Variants in MAP2K6 observed in about 807,000 individuals in gnomAD.
The protein encoded by MAP2K6 is dual specificity mitogen-activated protein kinase kinase 6.
In MAP2K6, 16 loss-of-function variants were observed where a neutral mutation model predicts 53.7. That is an observed-to-expected ratio of 0.30 (90% confidence interval 0.20 to 0.45). MAP2K6 has a LOEUF of 0.45. Among genes scored for constraint, MAP2K6 ranks in the 20% least tolerant of loss-of-function variants. The pLI is 1.00. For synonymous variants in MAP2K6, 132 were observed against 143.1 expected (o/e 0.92, Z 0.55); for missense variants, 204 against 411.9 (o/e 0.50, Z 4.37).
rs182942276 is a variant in MAP2K6 at position 69,512,247 on chromosome 17, G to A, written c.84-4608G>A. On this transcript the variant is annotated intron_variant, in intron 2 of 11. Coordinates refer to ENST00000590474, the MANE Select transcript of MAP2K6 (RefSeq NM_002758.4). ...ACAGTTTATGGCTAGTGAAATGAGA[G>A]GTAGTATCCTTTACAGCATACTGTG... Among the ~76,000 whole-genome samples, 267 of 151,172 alleles carry A rather than the reference G, an allele frequency of 1.8e-3. 2 individuals are homozygous for A. Among genetic ancestry groups the A allele is most frequent in the Non-Finnish European group, 4.0e-4 (27 of 67,902 alleles).
At chr17:69,420,404 A>G (rs906032865) in intron 1 of MAP2K6, among the ~76,000 whole-genome samples, 1 of 152,214 alleles carries the variant, frequency 6.6e-6, no homozygotes, top group Admixed American at 6.5e-5. Flanking sequence ...TGTTAAAATA[A>G]TTAAGTCTAG....
At chr17:69,417,111 C>T (rs539489068) in intron 1 of MAP2K6, among the ~76,000 whole-genome samples, 203 of 151,926 alleles carry the variant, frequency 1.3e-3, no homozygotes, top group Non-Finnish European at 2.4e-3. Context: ...GGTTCTTGTC[C>T]GAAAGGAAAA....
chr17:69,431,541 G>A (rs1486020008), intron 1 of MAP2K6, among the ~76,000 whole-genome samples: 1 of 152,144 alleles, frequency 6.6e-6, no homozygotes, highest in Non-Finnish European at 1.5e-5. Context: ...GTGTATTTAT[G>A]TGTATTTTGT....
At chr17:69,471,136 T>C (rs1256194083) in intron 1 of MAP2K6, among the ~76,000 whole-genome samples, 1 of 152,222 alleles carries the variant, frequency 6.6e-6, no homozygotes, top group Non-Finnish European at 1.5e-5. Context: ...AAATGAACTG[T>C]ATTAAGCGGA....
chr17:69,418,207 TC>T (rs1307523886), intron 1 of MAP2K6, among the ~76,000 whole-genome samples: 1 of 152,214 alleles, frequency 6.6e-6, no homozygotes, highest in Non-Finnish European at 1.5e-5. Flanking sequence ...AGCTTGGGTT[TC>T]CTGAGCTTGC....
chr17:69,502,508 A>G (rs1909220564), intron 1 of MAP2K6: 1 of 985,310 alleles, frequency 1.0e-6, no homozygotes, highest in African/African-American at 1.7e-5. Flanking sequence ...TAACACTGTA[A>G]TTCAACTAGG....
intron 1 of MAP2K6, among the ~76,000 whole-genome samples, chr17:69,437,300 A>G (rs1906679327): frequency 6.6e-6 from 1 of 152,214 alleles, no homozygotes; most frequent in African/African-American, 2.4e-5. Flanking sequence ...TAAGAAAATC[A>G]TCAGGAAGAG....
At chr17:69,468,447 C>G (rs551899337) in intron 1 of MAP2K6, among the ~76,000 whole-genome samples, 1 of 152,204 alleles carries the variant, frequency 6.6e-6, no homozygotes, top group Non-Finnish European at 1.5e-5. Flanking sequence ...TTTCTGCTCT[C>G]GCAAAACTTA....
At chr17:69,516,154 A>C (rs554465551) in intron 2 of MAP2K6, among the ~76,000 whole-genome samples, 5 of 152,026 alleles carry the variant, frequency 3.3e-5, no homozygotes, top group Admixed American at 6.6e-5. Context: ...TACATCATGA[A>C]ATAATTATAC....
chr17:69,484,976 A>G (rs1195271466), intron 1 of MAP2K6, among the ~76,000 whole-genome samples: 1 of 152,114 alleles, frequency 6.6e-6, no homozygotes, highest in Non-Finnish European at 1.5e-5. Flanking sequence ...GGTGTTTTTT[A>G]TGTGGGTGAT....
intron 10 of MAP2K6, 178 bp from the exon 11 acceptor site, chr17:69,535,937 A>G: frequency 1.8e-6 from 1 of 556,920 alleles, no homozygotes; most frequent in South Asian, 2.0e-5. Flanking sequence ...AGGCACAACC[A>G]GGGTGATTTA....
At chr17:69,416,378 A>G (rs1905901937) in intron 1 of MAP2K6, among the ~76,000 whole-genome samples, 1 of 152,200 alleles carries the variant, frequency 6.6e-6, no homozygotes, top group South Asian at 2.1e-4. Context: ...AGGAATTGAC[A>G]TATCAGGTGG....
chr17:69,483,891 A>G (rs1908432931), intron 1 of MAP2K6, among the ~76,000 whole-genome samples: 1 of 152,112 alleles, frequency 6.6e-6, no homozygotes, highest in Non-Finnish European at 1.5e-5. Context: ...CTGGATATAC[A>G]TATGTAAAAG....
chr17:69,513,800 T>C (rs1909997183), intron 2 of MAP2K6, among the ~76,000 whole-genome samples: 1 of 152,146 alleles, frequency 6.6e-6, no homozygotes. Flanking sequence ...CCCCAAATAA[T>C]TAGTGACCTT....
chr17:69,470,709 G>T (rs1320809479), intron 1 of MAP2K6, among the ~76,000 whole-genome samples: 7 of 152,152 alleles, frequency 4.6e-5, no homozygotes, highest in African/African-American at 1.7e-4. Context: ...CTCCTCAACG[G>T]CACTACCTGC....
chr17:69,530,448 G>T (rs1443923898), intron 10 of MAP2K6, among the ~76,000 whole-genome samples: 2 of 152,192 alleles, frequency 1.3e-5, no homozygotes, highest in African/African-American at 4.8e-5. Flanking sequence ...CAAAGTGTCA[G>T]TATTATAGTT....
intron 1 of MAP2K6, among the ~76,000 whole-genome samples, chr17:69,498,691 C>T (rs1463854060): frequency 2.6e-5 from 4 of 151,094 alleles, no homozygotes; most frequent in Non-Finnish European, 4.4e-5. Context: ...CACACGTGCA[C>T]GCAGAGAGAG....
chr17:69,510,443 T>C, intron 2 of MAP2K6, among the ~76,000 whole-genome samples: 1 of 152,336 alleles, frequency 6.6e-6, no homozygotes, highest in South Asian at 2.1e-4. Context: ...GCTATTATTT[T>C]CTAGTTTTAG....
At chr17:69,449,529 TTG>T (rs1161784496) in intron 1 of MAP2K6, among the ~76,000 whole-genome samples, 135 of 101,338 alleles carry the variant, frequency 1.3e-3, no homozygotes, top group Middle Eastern at 5.4e-3. Flanking sequence ...CTTTCTTTCT[TTG>T]TCTTTCTTTC....
Sources: allele counts gnomAD v4.1 joint callset (sites outside exome capture counted in the v4.1 genomes callset), GRCh38; gene constraint gnomAD v4.1.1; transcripts MANE v1.5; gene names NCBI Gene and HGNC (gene_info 2026-07-23, HGNC 2026-07-21).